The following KIAA1217 variants were observed in gnomAD, a reference collection of about 807,000 sequenced individuals.
KIAA1217 encodes KIAA1217.
KIAA1217 carries 88 observed loss-of-function variants against 163.9 expected under a neutral mutation model. That is an observed-to-expected ratio of 0.54 (90% CI 0.45 to 0.64). The LOEUF is 0.64. Ranked by LOEUF, KIAA1217 falls within the 30% of genes least tolerant of loss-of-function variation. KIAA1217 has a pLI of 0.00. For missense variants in KIAA1217, 2,372 were observed against 2,475.0 expected (o/e 0.96, Z 0.88); for synonymous variants, 903 against 923.1 (o/e 0.98, Z 0.39).
intron 2 of KIAA1217, among the ~76,000 whole-genome samples, chr10:24,269,232 A>AAG (rs2076548018): frequency 6.6e-6 from 1 of 150,858 alleles, no homozygotes; most frequent in African/African-American, 2.4e-5. Context: ...AAAAAAAAAA[A>AAG]AGGATTGTGG....
At chr10:23,717,525 T>C (rs772757192) in intron 1 of KIAA1217, among the ~76,000 whole-genome samples, 3 of 152,126 alleles carry the variant, frequency 2.0e-5, no homozygotes, top group Non-Finnish European at 2.9e-5. Context: ...GGAATATACA[T>C]ACATTGCTGA....
chr10:24,136,191 C>T (rs2063825267), intron 2 of KIAA1217, among the ~76,000 whole-genome samples: 1 of 152,120 alleles, frequency 6.6e-6, no homozygotes, highest in South Asian at 2.1e-4. Flanking sequence ...AGAATATCCA[C>T]ATCTCTGTAT....
At chr10:24,048,333 T>C (rs960612670) in intron 2 of KIAA1217, among the ~76,000 whole-genome samples, 1 of 152,250 alleles carries the variant, frequency 6.6e-6, no homozygotes, top group African/African-American at 2.4e-5. Context: ...GAATATTTAA[T>C]GGCAACTTTT....
chr10:23,771,614 G>A (rs1834797393), intron 1 of KIAA1217, among the ~76,000 whole-genome samples: 2 of 152,174 alleles, frequency 1.3e-5, no homozygotes. Context: ...TCTGATTAGT[G>A]GGCGGTGCCC....
chr10:24,389,406 TG>T (rs1253145671), intron 3 of KIAA1217, among the ~76,000 whole-genome samples: 2 of 146,588 alleles, frequency 1.4e-5, no homozygotes, highest in Non-Finnish European at 3.0e-5. Flanking sequence ...TGTGGTGGGG[TG>T]GGGGAATGGG....
chr10:24,348,179 A>C (rs10764462), intron 2 of KIAA1217, among the ~76,000 whole-genome samples: 100,573 of 151,880 alleles, frequency 0.66, 33,540 homozygotes, highest in South Asian at 0.79. Context: ...CAACTTGGTG[A>C]AACCCCATTA....
In KIAA1217 at chr10:23,737,139, A is replaced by G. The variant is rs188233234; in HGVS notation, c.-321+41905A>G. Among the ~76,000 whole-genome samples, 5 of 152,270 alleles carry G rather than the reference A, an allele frequency of 3.3e-5. No individual in the cohort carries two copies. In the East Asian group the frequency reaches 9.6e-4, roughly 29 times the overall value. ...GTATGTCTTGCACATCATTTGATAT[A>G]TTTATTACCAGATTTTATGTATGGA... On this transcript the variant is annotated intron_variant, in intron 1 of 18. Transcript: ENST00000376462.
intron 2 of KIAA1217, among the ~76,000 whole-genome samples, chr10:24,168,529 C>T (rs1195766873): frequency 6.6e-6 from 1 of 152,220 alleles, no homozygotes; most frequent in Non-Finnish European, 1.5e-5. Flanking sequence ...TCTCTCCCTA[C>T]ATGGGACACC....
At chr10:23,803,017 G>A (rs1199943105) in intron 1 of KIAA1217, among the ~76,000 whole-genome samples, 2 of 152,156 alleles carry the variant, frequency 1.3e-5, no homozygotes, top group Non-Finnish European at 2.9e-5. Context: ...CTGTGTTATA[G>A]ATAAAGGAAC....
At chr10:24,434,730 G>T (rs16924755) in intron 4 of KIAA1217, among the ~76,000 whole-genome samples, 10,842 of 152,256 alleles carry the variant, frequency 0.071, 572 homozygotes, top group East Asian at 0.16. Flanking sequence ...ACAGGACTTA[G>T]ATCAACACAA....
At chr10:23,743,279 C>T (rs543783677) in intron 1 of KIAA1217, among the ~76,000 whole-genome samples, 87 of 151,954 alleles carry the variant, frequency 5.7e-4, no homozygotes, top group African/African-American at 2.0e-3. Context: ...TAGTTCTTAC[C>T]ACAGTATGAT....
rs77492849 is a variant in KIAA1217, at chr10:24,058,931, G to C, written c.-171+51557G>C. ...TCCATTACTTTATTGAATAGAAGTAGTAAGAGTGATCATTCTTGTCTTCCT... is the reference window on the plus strand; with the variant it reads ...TCCATTACTTTATTGAATAGAAGTACTAAGAGTGATCATTCTTGTCTTCCT... On this transcript the variant is annotated intron_variant, in intron 2 of 18. Coordinates refer to the KIAA1217 transcript ENST00000376462. 6.0e-3 allele frequency among the ~76,000 whole-genome samples: 916 copies of C among 152,186 alleles called. 6 individuals are homozygous for C. Among genetic ancestry groups the C allele is most frequent in the African/African-American group, 0.02 (843 of 41,524 alleles).
At chr10:24,091,428 G>A (rs1435111359) in intron 2 of KIAA1217, among the ~76,000 whole-genome samples, 1 of 151,952 alleles carries the variant, frequency 6.6e-6, no homozygotes. Flanking sequence ...ACTCATTAAT[G>A]AGTCAGAGGA....
At chr10:24,249,441 G>C (rs535200309) in intron 2 of KIAA1217, among the ~76,000 whole-genome samples, 1 of 152,088 alleles carries the variant, frequency 6.6e-6, no homozygotes, top group South Asian at 2.1e-4. Flanking sequence ...GGCTTGGGGT[G>C]GTGCTAGGTC....
chr10:24,472,104 G>A (rs2063585424), intron 5 of KIAA1217, among the ~76,000 whole-genome samples: 1 of 152,102 alleles, frequency 6.6e-6, no homozygotes, highest in Non-Finnish European at 1.5e-5. Flanking sequence ...AGAAAAAAAT[G>A]TGTTTCCTTT....
At chr10:23,878,896 G>T (rs1449733940) in intron 1 of KIAA1217, among the ~76,000 whole-genome samples, 2 of 151,860 alleles carry the variant, frequency 1.3e-5, no homozygotes, top group Non-Finnish European at 2.9e-5. Flanking sequence ...CGAAGTTTTT[G>T]GCTTGAGCAA....
At chr10:24,295,485 CA>C (rs2040481040) in intron 2 of KIAA1217, among the ~76,000 whole-genome samples, 1 of 152,162 alleles carries the variant, frequency 6.6e-6, no homozygotes, top group South Asian at 2.1e-4. Flanking sequence ...ACTGGTCTTT[CA>C]GCCTCAATTT....
At chr10:23,817,962 CATATATATATAT>C (rs71397918) in intron 1 of KIAA1217, among the ~76,000 whole-genome samples, 8,713 of 54,250 alleles carry the variant, frequency 0.16, 705 homozygotes, top group Middle Eastern at 0.23. Context: ...TGTGGTGGCA[CATATATATATAT>C]ATATATATAT....
chr10:24,211,439 T>C (rs1433633175), intron 1 of KIAA1217, among the ~76,000 whole-genome samples: 2 of 144,508 alleles, frequency 1.4e-5, no homozygotes, highest in African/African-American at 5.0e-5. Context: ...GGTGTGATCA[T>C]AGCTCACTGC....
Sources: gnomAD v4.1 joint callset for allele counts (sites outside exome capture counted in the v4.1 genomes callset) on GRCh38, gnomAD v4.1.1 for gene constraint, MANE v1.5 for transcripts, NCBI Gene and HGNC (gene_info 2026-07-23, HGNC 2026-07-21) for gene names.